The following TBC1D2B variants were observed in gnomAD, a reference collection of about 807,000 sequenced individuals.
The protein encoded by TBC1D2B is TBC1 domain family, member 2B.
In TBC1D2B, 64 loss-of-function variants were observed where a neutral mutation model predicts 100.8. That is an observed-to-expected ratio of 0.64 (90% CI 0.52 to 0.78). The LOEUF is 0.78. TBC1D2B is among the 30% of genes least tolerant of loss of function. The probability of loss-of-function intolerance (pLI) is 0.00; values close to 1 mark genes in which losing one functional copy is unlikely to be tolerated. For missense variants in TBC1D2B, 1,052 were observed against 1,218.4 expected (o/e 0.86, Z 2.03); for synonymous variants, 480 against 479.7 (o/e 1.00, Z -0.01).
chr15:78,053,903 G>T, intron 2 of TBC1D2B, 131 bp downstream of exon 2: 1 of 1,053,742 alleles, frequency 9.5e-7, no homozygotes, highest in Non-Finnish European at 1.4e-6. Flanking sequence ...ACTGTGGAAT[G>T]CTGTCCACTC....
At chr15:78,032,883 C>T (rs547278314) in intron 3 of TBC1D2B, among the ~76,000 whole-genome samples, 1 of 152,050 alleles carries the variant, frequency 6.6e-6, no homozygotes, top group African/African-American at 2.4e-5. Flanking sequence ...GATGGATGGA[C>T]CAATGAGTCG....
chr15:78,033,317 C>G (rs2072863163), intron 3 of TBC1D2B, among the ~76,000 whole-genome samples: 1 of 152,130 alleles, frequency 6.6e-6, no homozygotes, highest in Non-Finnish European at 1.5e-5. Context: ...CCATCCTTAT[C>G]CCTAAAGCAA....
intron 12 of TBC1D2B, chr15:77,999,085 G>A: frequency 3.1e-6 from 1 of 323,990 alleles, no homozygotes; most frequent in Non-Finnish European, 6.3e-6. Context: ...AGCCACACTG[G>A]TCTCTGGGGA....
At chr15:78,067,182 G>A (rs2073672479) in intron 1 of TBC1D2B, among the ~76,000 whole-genome samples, 2 of 152,310 alleles carry the variant, frequency 1.3e-5, no homozygotes, top group South Asian at 4.1e-4. Flanking sequence ...GCTAGCTGTG[G>A]GACTCAGTTT....
chr15:78,066,235 A>G (rs2073654898), intron 1 of TBC1D2B: 3 of 344,336 alleles, frequency 8.7e-6, no homozygotes, highest in African/African-American at 4.3e-5. Context: ...TCTGCAGCAT[A>G]GAAACTCAGA....
intron 1 of TBC1D2B, among the ~76,000 whole-genome samples, chr15:78,060,701 G>T (rs527880861): frequency 7.2e-4 from 110 of 152,022 alleles, no homozygotes; most frequent in Middle Eastern, 3.4e-3. Context: ...CAGATCACCT[G>T]AAGTCAGAAG....
At chr15:78,056,820 C>G (rs745806346) in intron 1 of TBC1D2B, among the ~76,000 whole-genome samples, 1 of 150,870 alleles carries the variant, frequency 6.6e-6, no homozygotes, top group Non-Finnish European at 1.5e-5. Context: ...CCCTTAGAGG[C>G]AAGTGTGTGT....
intron 3 of TBC1D2B, among the ~76,000 whole-genome samples, chr15:78,039,234 C>A (rs2141749614): frequency 6.6e-6 from 1 of 152,314 alleles, no homozygotes; most frequent in Non-Finnish European, 1.5e-5. Context: ...GGAAAAACTT[C>A]CCCTAATTCA....
intron 2 of TBC1D2B, among the ~76,000 whole-genome samples, chr15:78,047,448 T>C (rs1343644646): frequency 6.6e-6 from 1 of 152,060 alleles, no homozygotes; most frequent in Non-Finnish European, 1.5e-5. Flanking sequence ...ATAAATACAT[T>C]GAGTCGTTGG....
At position 78,020,795 on chromosome 15, in the gene TBC1D2B, G is replaced by A. The variant is rs144564584; in HGVS notation, c.1471-2838C>T. 9.8e-3 allele frequency among the ~76,000 whole-genome samples: 1,497 copies of A among 152,270 alleles called. 12 individuals carry two copies. Among genetic ancestry groups the A allele is most frequent in the Middle Eastern group, 0.065 (19 of 294 alleles). On this transcript the variant is annotated intron_variant, in intron 6 of 12. Transcript: ENST00000300584. ...CCAGGAGTGCAGTGCCTGTGTACCC[G>A]TGCAGAGTAAAAGGGTGGGCACACA...
intron 3 of TBC1D2B, among the ~76,000 whole-genome samples, chr15:78,044,093 G>A (rs1285655400): frequency 3.3e-5 from 5 of 151,608 alleles, no homozygotes; most frequent in African/African-American, 7.3e-5. Context: ...AGTTGCCTAC[G>A]GCTGAGGGTT....
chr15:78,009,867 T>A (rs2072174717), intron 9 of TBC1D2B, among the ~76,000 whole-genome samples: 2 of 147,556 alleles, frequency 1.4e-5, no homozygotes, highest in South Asian at 4.3e-4. Context: ...CCAAGCTACC[T>A]GGGAGGCTGA....
At chr15:78,059,917 AC>A (rs1483984022) in intron 1 of TBC1D2B, among the ~76,000 whole-genome samples, 6 of 152,326 alleles carry the variant, frequency 3.9e-5, no homozygotes, top group African/African-American at 1.4e-4. Context: ...TGGAGTAGCA[AC>A]CCAGCAGCAT....
intron 3 of TBC1D2B, chr15:78,034,529 T>A: frequency 2.0e-6 from 2 of 985,410 alleles, no homozygotes; most frequent in Non-Finnish European, 2.4e-6. Flanking sequence ...AAAGGGTGAA[T>A]GCAGGAAAGA....
In TBC1D2B at chr15:77,996,872, C is replaced by T. The variant is rs900491531; in HGVS notation, c.*1288G>A. The T allele has an allele frequency of 2.0e-5, 3 of 152,248 alleles. No individual in the cohort carries two copies. Among genetic ancestry groups the T allele is most frequent in the Non-Finnish European group, 2.9e-5 (2 of 68,038 alleles). 9.4% of individuals were successfully genotyped at this position (152,248 alleles called of 1,614,324 possible). ...CACTGTGCCAGAAAACATCCTCTCA[C>T]ATCTACGCATCAGGGATGGTCTAGA... On this transcript the variant is annotated 3_prime_UTR_variant, in exon 13 of 13. Transcript: ENST00000300584.
intron 2 of TBC1D2B, among the ~76,000 whole-genome samples, chr15:78,050,443 T>C (rs529155139): frequency 1.3e-5 from 2 of 152,346 alleles, no homozygotes; most frequent in South Asian, 2.1e-4. Context: ...TTGTTATCCC[T>C]GGCTTGTTTT....
rs765891435 is a variant in TBC1D2B at position 78,012,835 on chromosome 15, T to C, written c.2258A>G (p.Gln753Arg). ...GCTGTGCACCCACCTGTTTAGGCCT[T>C]GACAGTAGCCGATATCTGGATTCCG... ...SWRNPDIGYCQGLNRLVAVAL... is the reference protein window; with the variant it reads ...SWRNPDIGYCRGLNRLVAVAL... The change falls in exon 9 of 13, where the codon CAA becomes CGA. Residue 753 changes from glutamine to arginine, a missense_variant. By Grantham distance (43) the Gln-to-Arg change is conservative (BLOSUM62 1). Around this residue, in one of 4 missense-constraint regions of TBC1D2B, gnomAD observed 373 missense variants for 464.9 expected, o/e 0.80. Transcript: ENST00000300584. The C allele has an allele frequency of 2.6e-6, 4 of 1,512,852 alleles. No individual in the cohort carries two copies. The highest frequency in any genetic ancestry group is 3.5e-6 in the Non-Finnish European group (4 of 1,131,594). 93.7% of individuals were successfully genotyped at this position (1,512,852 alleles called of 1,614,324 possible). A position where few individuals can be genotyped will look rare whatever the true frequency, so the allele number is the denominator to read the frequency against.
chr15:78,014,753 A>G (rs1314399684), intron 8 of TBC1D2B, among the ~76,000 whole-genome samples: 1 of 152,252 alleles, frequency 6.6e-6, no homozygotes, highest in Non-Finnish European at 1.5e-5. Context: ...AGTAACTTGT[A>G]TCAACCTGGA....
In TBC1D2B at chr15:78,013,203, T is replaced by C. The variant is rs552433664; in HGVS notation, c.1890A>G (p.Glu630=). The C allele has an allele frequency of 4.4e-5, 71 of 1,614,058 alleles. No homozygotes were observed. Among genetic ancestry groups the C allele is most frequent in the Admixed American group, 4.3e-4 (26 of 60,034 alleles). ...TTTCCCACTTGACCCCAGTGGAGAC[T>C]TCCTGGTTTTCTGTGAGGTAGAGAG... ...LKTLYLTENQ[E]VSTGVKWENY... is the part of the protein sequence containing the mutation. The change falls in exon 9 of 13, where the codon GAA becomes GAG. Residue 630 remains glutamate (E), a synonymous_variant. Coordinates refer to ENST00000300584, the MANE Select transcript of TBC1D2B (RefSeq NM_144572.2).
Sources: allele counts gnomAD v4.1 joint callset (sites outside exome capture counted in the v4.1 genomes callset), GRCh38; gene constraint gnomAD v4.1.1; regional missense constraint gnomAD v4.1.1; transcripts MANE v1.5; gene names NCBI Gene and HGNC (gene_info 2026-07-23, HGNC 2026-07-21).